BACH2: variants seen among roughly 807,000 people sequenced by gnomAD.
The protein encoded by BACH2 is BACH transcriptional regulator 2, also known as transcription regulator protein BACH2.
A neutral mutation model predicts 61.8 loss-of-function variants in BACH2; 5 were observed. That is an observed-to-expected ratio of 0.08 (90% CI 0.04 to 0.17). The LOEUF (loss-of-function observed/expected upper bound fraction) is 0.17. BACH2 is among the 10% of genes least tolerant of loss of function. The probability of loss-of-function intolerance (pLI) is 1.00; values close to 1 mark genes in which losing one functional copy is unlikely to be tolerated. For missense variants in BACH2, 824 were observed against 1,091.1 expected (o/e 0.76, Z 3.45); for synonymous variants, 446 against 440.1 (o/e 1.01, Z -0.17).
In BACH2 at chr6:90,216,805, G is replaced by C. The variant is rs752631304; in HGVS notation, c.-274-10124C>G. Among the ~76,000 whole-genome samples the C allele has an allele frequency of 1.6e-4, 24 of 152,158 alleles. 2 individuals are homozygous for C. The highest frequency in any genetic ancestry group is 2.9e-5 in the Non-Finnish European group (2 of 67,992). ...ATCTGGCAATGCTGTAGACATTTTT[G>C]GTTGTCATGACCCGGGGGAGGGTGC... On this transcript the variant is annotated intron_variant, in intron 3 of 8. Transcript: ENST00000257749.
intron 7 of BACH2, among the ~76,000 whole-genome samples, chr6:89,939,823 ATTTTTTTT>A (rs71027914): frequency 6.6e-5 from 6 of 91,390 alleles, no homozygotes; most frequent in South Asian, 4.6e-4. Context: ...AGTTAATTAA[ATTTTTTTT>A]TTTTTTTTTT....
At chr6:90,157,708 G>A (rs545828992) in intron 4 of BACH2, among the ~76,000 whole-genome samples, 3 of 152,146 alleles carry the variant, frequency 2.0e-5, no homozygotes, top group Non-Finnish European at 2.9e-5. Flanking sequence ...GCAGATGGCC[G>A]CTTAGAGGAG....
chr6:90,265,946 A>C (rs1771314726), intron 2 of BACH2, among the ~76,000 whole-genome samples: 1 of 152,180 alleles, frequency 6.6e-6, no homozygotes, highest in Admixed American at 6.5e-5. Context: ...CCTATGATGT[A>C]AGTATTAGTA....
chr6:90,021,370 G>C (rs1193290691), intron 5 of BACH2, among the ~76,000 whole-genome samples: 1 of 147,848 alleles, frequency 6.8e-6, no homozygotes, highest in African/African-American at 2.5e-5. Flanking sequence ...CAAAAAAGTA[G>C]AATGTTAAGA....
At chr6:90,291,694 A>C (rs1267653480) in intron 1 of BACH2, among the ~76,000 whole-genome samples, 1 of 152,012 alleles carries the variant, frequency 6.6e-6, no homozygotes, top group Non-Finnish European at 1.5e-5. Context: ...AGCAGGTTTC[A>C]GTTTGGACAT....
chr6:90,188,760 G>GAAAAAAAAAAAA (rs57618295), intron 4 of BACH2, among the ~76,000 whole-genome samples: 2 of 78,746 alleles, frequency 2.5e-5, no homozygotes, highest in African/African-American at 4.6e-5. Context: ...GCCCCAAAAT[G>GAAAAAAAAAAAA]AAAAAAAAAA....
At position 89,951,613 on chromosome 6, in the gene BACH2, C is replaced by T. The variant is rs762461351; in HGVS notation, c.493G>A (p.Asp165Asn). 8.1e-6 allele frequency: 13 copies of T among 1,614,058 alleles called. No individual in the cohort carries two copies. The South Asian group carries it at 1.1e-4, about 14-fold the overall frequency. ...GAATCCATCGTCTCCTCCTCTTCAT[C>T]CTCCTCCTCTCCTGCAGAGTTCTCG... ...DCENSAGEEEDEEEETMDSET... is the reference protein window; with the variant it reads ...DCENSAGEEENEEEETMDSET... The change falls in exon 7 of 9, where the codon GAT becomes AAT. Residue 165 changes from aspartate (D) to asparagine (N), a missense_variant. By Grantham distance (23) the Asp-to-Asn change is conservative (BLOSUM62 1). Around this residue, in one of 8 missense-constraint regions of BACH2, gnomAD observed 107 missense variants for 121.7 expected, o/e 0.88. Coordinates refer to ENST00000257749, the MANE Select transcript of BACH2 (RefSeq NM_021813.4). This position sits in a 1 kb window ranked among gnomAD's most constrained non-coding sequence, Gnocchi z 6.4.
intron 5 of BACH2, among the ~76,000 whole-genome samples, chr6:90,047,175 G>A (rs113887309): frequency 0.098 from 14,985 of 152,196 alleles, 2,382 homozygotes; most frequent in African/African-American, 0.34. Context: ...GCCCGCCTTG[G>A]CCTCCCAAAG....
At chr6:90,002,688 T>C (rs1457170951) in intron 6 of BACH2, among the ~76,000 whole-genome samples, 3 of 152,178 alleles carry the variant, frequency 2.0e-5, no homozygotes, top group Admixed American at 6.5e-5. Context: ...GAGAATTGCT[T>C]GAACCTGGGA....
At chr6:89,990,306 T>C (rs1437748385) in intron 6 of BACH2, among the ~76,000 whole-genome samples, 1 of 152,236 alleles carries the variant, frequency 6.6e-6, no homozygotes, top group Non-Finnish European at 1.5e-5. Context: ...AAAAATTCTA[T>C]TGAAAGAGTT....
intron 6 of BACH2, among the ~76,000 whole-genome samples, chr6:89,997,213 G>C (rs1419167179): frequency 6.6e-6 from 1 of 152,114 alleles, no homozygotes; most frequent in East Asian, 1.9e-4. Flanking sequence ...GCCTTAAATA[G>C]GAGGAATGGA....
At chr6:90,181,883 T>G (rs1768178335) in intron 4 of BACH2, among the ~76,000 whole-genome samples, 1 of 151,998 alleles carries the variant, frequency 6.6e-6, no homozygotes, top group Non-Finnish European at 1.5e-5. Flanking sequence ...AACCAGAACT[T>G]GTACCTAGGT....
At chr6:90,189,650 C>T (rs573550620) in intron 4 of BACH2, among the ~76,000 whole-genome samples, 3 of 150,146 alleles carry the variant, frequency 2.0e-5, no homozygotes, top group Admixed American at 2.0e-4. Flanking sequence ...GAGTGGGCTT[C>T]CTTTGGCTTC....
chr6:90,249,659 C>T (rs1172087614), intron 3 of BACH2, among the ~76,000 whole-genome samples: 1 of 152,080 alleles, frequency 6.6e-6, no homozygotes, highest in Non-Finnish European at 1.5e-5. Context: ...ATAGTCTCAA[C>T]TACTCGAGAG....
chr6:90,113,303 T>C (rs1783255651), intron 4 of BACH2, among the ~76,000 whole-genome samples: 1 of 152,142 alleles, frequency 6.6e-6, no homozygotes, highest in Non-Finnish European at 1.5e-5. Context: ...AGAATATACA[T>C]TCTTCTCATC....
chr6:90,056,924 C>T (rs915446551), intron 5 of BACH2, among the ~76,000 whole-genome samples: 11 of 152,170 alleles, frequency 7.2e-5, no homozygotes, highest in Admixed American at 1.3e-4. Flanking sequence ...TTGAAATCAA[C>T]GAGGACAAAG....
chr6:89,989,193 T>G (rs1007506787), intron 6 of BACH2, among the ~76,000 whole-genome samples: 5 of 152,218 alleles, frequency 3.3e-5, no homozygotes, highest in Non-Finnish European at 5.9e-5. Context: ...GACCTAGAAA[T>G]GTACACAGTT....
intron 4 of BACH2, among the ~76,000 whole-genome samples, chr6:90,129,038 A>G (rs1175506841): frequency 6.6e-6 from 1 of 152,052 alleles, no homozygotes; most frequent in Non-Finnish European, 1.5e-5. Context: ...CAGGAAGGGG[A>G]ACATCACACA....
chr6:89,939,878 GA>G (rs1164338309), intron 7 of BACH2, among the ~76,000 whole-genome samples: 2 of 137,736 alleles, frequency 1.5e-5, no homozygotes, highest in African/African-American at 5.4e-5. Context: ...CAGAGAAGGG[GA>G]AAAAAAGAGA....
Sources: gnomAD v4.1 joint callset for allele counts (sites outside exome capture counted in the v4.1 genomes callset) on GRCh38, gnomAD v4.1.1 for gene constraint, gnomAD v4.1.1 regional missense constraint, Gnocchi (gnomAD v3.1) non-coding constraint, MANE v1.5 for transcripts, NCBI Gene and HGNC (gene_info 2026-07-23, HGNC 2026-07-21) for gene names.